Variants in ATP6V1A observed in about 807,000 individuals in gnomAD.
The protein encoded by ATP6V1A is V-type proton ATPase catalytic subunit A.
A neutral mutation model predicts 70.1 loss-of-function variants in ATP6V1A; 18 were observed. That is an observed-to-expected ratio of 0.26 (90% CI 0.18 to 0.38). ATP6V1A has a LOEUF of 0.38. Among genes scored for constraint, ATP6V1A ranks in the 10% least tolerant of loss-of-function variants. The pLI is 1.00. For missense variants in ATP6V1A, 424 were observed against 772.4 expected (o/e 0.55, Z 5.35); for synonymous variants, 232 against 253.8 (o/e 0.91, Z 0.82).
intron 1 of ATP6V1A, among the ~76,000 whole-genome samples, chr3:113,756,571 TTAAG>T (rs1190516897): frequency 6.6e-6 from 1 of 152,210 alleles, no homozygotes; most frequent in East Asian, 1.9e-4. Context: ...ATGTAATAGC[TTAAG>T]TTACTATCAT....
At chr3:113,763,167 A>T (rs201195861) in intron 1 of ATP6V1A, among the ~76,000 whole-genome samples, 2 of 151,956 alleles carry the variant, frequency 1.3e-5, no homozygotes, top group Non-Finnish European at 1.5e-5. Flanking sequence ...ATCTCGGCTC[A>T]CTGCAGCCTC....
chr3:113,810,834 T>C lies in ATP6V1A; in HGVS notation c.*1407T>C, dbSNP rs1193753362. On this transcript the variant is annotated 3_prime_UTR_variant, in exon 15 of 15. Transcript: ENST00000273398. The stretch of plus-strand genomic sequence containing the variant: ...TTTTGAACAGCCAGTTGACCAATCA[T>C]AGAAAGTATTACTTTCTTTCATATG... 1 of 152,258 alleles carries C rather than the reference T, an allele frequency of 6.6e-6. No homozygotes were observed. Among genetic ancestry groups the C allele is most frequent in the African/African-American group, 2.4e-5 (1 of 41,472 alleles). 9.4% of individuals were successfully genotyped at this position (152,258 alleles called of 1,614,324 possible).
intron 1 of ATP6V1A, among the ~76,000 whole-genome samples, chr3:113,776,905 GCTACCT>G (rs1708920043): frequency 6.6e-6 from 1 of 152,100 alleles, no homozygotes; most frequent in East Asian, 1.9e-4. Context: ...CAGTGTCTTT[GCTACCT>G]TTCTTTTTCT....
intron 11 of ATP6V1A, among the ~76,000 whole-genome samples, chr3:113,796,667 G>A (rs1179941104): frequency 2.0e-5 from 3 of 152,038 alleles, no homozygotes; most frequent in African/African-American, 4.8e-5. Context: ...AGTGATATGT[G>A]TATATTATTC....
Position 113,781,283 on chromosome 3 carries a change from C to A in ATP6V1A, c.211+105C>A, listed in dbSNP as rs187669820. Reference sequence around the variant, plus strand: ...AAAGTAATCCCAGCACTTTGGGAGGCAGGCAGGTGGATCACCTGAGGTCAG... The same window carrying A: ...AAAGTAATCCCAGCACTTTGGGAGGAAGGCAGGTGGATCACCTGAGGTCAG... On this transcript the variant is annotated intron_variant, in intron 3 of 14. Coordinates refer to ENST00000273398, the MANE Select transcript of ATP6V1A (RefSeq NM_001690.4). The A allele has an allele frequency of 2.1e-3, 2,650 of 1,283,952 alleles. 78 individuals are homozygous for A. The Admixed American group carries it at 0.048, about 23-fold the overall frequency. The allele number at this position is 1,283,952 out of a possible 1,614,324, so 79.5% of individuals were successfully genotyped here.
At chr3:113,807,716 A>G (rs1254701766) in intron 14 of ATP6V1A, among the ~76,000 whole-genome samples, 3 of 152,218 alleles carry the variant, frequency 2.0e-5, no homozygotes, top group African/African-American at 7.2e-5. Context: ...AGTAATGATG[A>G]TTTCTATTTA....
intron 2 of ATP6V1A, 130 bp downstream of exon 2, chr3:113,778,965 A>G (rs535065053): frequency 5.3e-6 from 3 of 560,972 alleles, no homozygotes; most frequent in Admixed American, 3.9e-5. Flanking sequence ...AGGCGATCTC[A>G]TAGTGACTAT....
At chr3:113,753,925 GA>G (rs1005477553) in intron 1 of ATP6V1A, among the ~76,000 whole-genome samples, 1 of 148,308 alleles carries the variant, frequency 6.7e-6, no homozygotes. Context: ...TGTATCTTAA[GA>G]AAAAAAAATA....
chr3:113,768,745 G>A (rs1217119767), intron 1 of ATP6V1A, among the ~76,000 whole-genome samples: 3 of 151,906 alleles, frequency 2.0e-5, no homozygotes, highest in East Asian at 1.9e-4. Flanking sequence ...ACAGACGCAC[G>A]TCACCATGCC....
chr3:113,771,170 G>A (rs1708835132), intron 1 of ATP6V1A, among the ~76,000 whole-genome samples: 1 of 152,008 alleles, frequency 6.6e-6, no homozygotes, highest in African/African-American at 2.4e-5. Flanking sequence ...TGTTCTAGGA[G>A]TTTGTTTTAA....
rs372421060 is a variant in ATP6V1A at position 113,795,007 on chromosome 3, A to G, written c.1111+13A>G. On this transcript the variant is annotated intron_variant, in intron 9 of 14. Transcript: ENST00000273398. The stretch of plus-strand genomic sequence containing the variant: ...GAAATGCCTGCAGGTAAGTCTGTGT[A>G]TTGCTTATCATGTAAACAAGACTGA... 100 of 1,613,530 alleles carry G rather than the reference A, an allele frequency of 6.2e-5. 1 individual carries two copies. The South Asian group carries it at 9.8e-4, about 16-fold the overall frequency.
intron 1 of ATP6V1A, among the ~76,000 whole-genome samples, chr3:113,771,592 C>T (rs1446296173): frequency 6.6e-6 from 1 of 151,962 alleles, no homozygotes; most frequent in African/African-American, 2.4e-5. Flanking sequence ...TGCCTGCCAC[C>T]ACACCCGGCT....
intron 12 of ATP6V1A, among the ~76,000 whole-genome samples, chr3:113,799,821 C>T (rs560678391): frequency 6.6e-6 from 1 of 152,174 alleles, no homozygotes; most frequent in South Asian, 2.1e-4. Context: ...AGTGTAGGAA[C>T]TAACCAGAAA....
chr3:113,766,189 T>A (rs866074354), intron 1 of ATP6V1A, among the ~76,000 whole-genome samples: 13 of 152,158 alleles, frequency 8.5e-5, no homozygotes, highest in African/African-American at 3.1e-4. Context: ...TGCCTATAGA[T>A]CCTGTGTCTG....
At chr3:113,767,954 C>A (rs1206489726) in intron 1 of ATP6V1A, among the ~76,000 whole-genome samples, 2 of 152,064 alleles carry the variant, frequency 1.3e-5, no homozygotes, top group Non-Finnish European at 2.9e-5. Flanking sequence ...GGAAAGTAAT[C>A]CATTTCTAAA....
At chr3:113,791,026 A>G (rs779287363) in intron 8 of ATP6V1A, among the ~76,000 whole-genome samples, 17 of 152,082 alleles carry the variant, frequency 1.1e-4, no homozygotes, top group Non-Finnish European at 2.5e-4. Flanking sequence ...ATATATTCCA[A>G]TATTGATAGT....
At position 113,811,686 on chromosome 3, in the gene ATP6V1A, C is replaced by T. The variant is rs1025947383; in HGVS notation, c.*2259C>T. The T allele has an allele frequency of 6.6e-6, 1 of 152,532 alleles. No individual in the cohort carries two copies. 9.4% of individuals were successfully genotyped at this position (152,532 alleles called of 1,614,324 possible). ...TTATGTATGAGTGTGAAGATGCTAG[C>T]GAACCTATGCTCAGATATTCATCGT... On this transcript the variant is annotated 3_prime_UTR_variant, in exon 15 of 15. Transcript: ENST00000273398.
intron 6 of ATP6V1A, among the ~76,000 whole-genome samples, chr3:113,786,879 A>G (rs1275386859): frequency 6.6e-6 from 1 of 151,984 alleles, no homozygotes; most frequent in Non-Finnish European, 1.5e-5. Flanking sequence ...CAGCTCAAGC[A>G]ATCCTCCTCC....
intron 9 of ATP6V1A, 36 bp downstream of exon 9, chr3:113,795,030 T>G (rs1413915962): frequency 6.2e-7 from 1 of 1,613,346 alleles, no homozygotes; most frequent in East Asian, 2.2e-5. Context: ...TAAACAAGAC[T>G]GATGGGATTT....
Sources: allele counts gnomAD v4.1 joint callset (sites outside exome capture counted in the v4.1 genomes callset), GRCh38; gene constraint gnomAD v4.1.1; transcripts MANE v1.5; gene names NCBI Gene and HGNC (gene_info 2026-07-23, HGNC 2026-07-21).